The following CEP55 variants were observed in gnomAD, a reference collection of about 807,000 sequenced individuals.
CEP55 encodes centrosomal protein 55, also known as centrosomal protein of 55 kDa.
A neutral mutation model predicts 63.2 loss-of-function variants in CEP55; 57 were observed. That is an observed-to-expected ratio of 0.90 (90% CI 0.73 to 1.13). The LOEUF (loss-of-function observed/expected upper bound fraction) is 1.13, where lower values mean the gene tolerates loss of function less well. CEP55 is among the 50% of genes most tolerant of loss of function. CEP55 has a pLI of 0.00. For synonymous variants in CEP55, 178 were observed against 191.6 expected (o/e 0.93, Z 0.59); for missense variants, 456 against 518.9 (o/e 0.88, Z 1.18).
chr10:93,518,831 G>C (rs376038589), intron 6 of CEP55, 46 bp from the exon 7 acceptor site: 2 of 1,404,364 alleles, frequency 1.4e-6, no homozygotes, highest in Admixed American at 3.6e-5. Flanking sequence ...AGGTCAAGCC[G>C]GAAAAGGTTG....
chr10:93,512,449 G>A (rs1179721735), intron 4 of CEP55, among the ~76,000 whole-genome samples: 4 of 150,050 alleles, frequency 2.7e-5, no homozygotes, highest in Non-Finnish European at 4.4e-5. Context: ...GGGAGGTGGA[G>A]GTTGCAGTGA....
chr10:93,508,653 T>C (rs1424064451), intron 4 of CEP55, among the ~76,000 whole-genome samples: 2 of 152,204 alleles, frequency 1.3e-5, no homozygotes, highest in African/African-American at 4.8e-5. Context: ...CAGCTACTCC[T>C]TGAATAAACC....
At chr10:93,499,318 A>G (rs970771625) in intron 1 of CEP55, among the ~76,000 whole-genome samples, 15 of 152,096 alleles carry the variant, frequency 9.9e-5, no homozygotes, top group Admixed American at 6.6e-4. Context: ...TTTCGTGCCT[A>G]TATACTCAGA....
intron 8 of CEP55, among the ~76,000 whole-genome samples, chr10:93,524,767 A>C (rs1224115410): frequency 6.6e-6 from 1 of 152,254 alleles, no homozygotes; most frequent in East Asian, 1.9e-4. Flanking sequence ...CATCCCTGGG[A>C]TGCAAGGCTG....
rs1196829631 is a variant in CEP55 at position 93,528,710 on chromosome 10, C to T, written c.*557C>T. 1 of 153,370 alleles carries T rather than the reference C, an allele frequency of 6.5e-6. No individual in the cohort carries two copies. The highest frequency in any genetic ancestry group is 2.0e-4 in the South Asian group (1 of 4,896). 9.5% of individuals were successfully genotyped at this position (153,370 alleles called of 1,614,324 possible). On this transcript the variant is annotated 3_prime_UTR_variant, in exon 9 of 9. Transcript: ENST00000371485. The stretch of plus-strand genomic sequence containing the variant: ...TGCTGCTTACCATTGAAACTTAACC[C>T]AGCTGTGTTCCCCAACTCTGTTCTG...
At chr10:93,522,140 A>C (rs2057871183) in intron 8 of CEP55, among the ~76,000 whole-genome samples, 1 of 152,230 alleles carries the variant, frequency 6.6e-6, no homozygotes, top group Admixed American at 6.5e-5. Context: ...AACTTCTCTG[A>C]GCTAAAGGAG....
chr10:93,514,146 T>C (rs905018562), intron 4 of CEP55, among the ~76,000 whole-genome samples: 1 of 152,124 alleles, frequency 6.6e-6, no homozygotes, highest in African/African-American at 2.4e-5. Flanking sequence ...TTGGCCAGGC[T>C]GGTCTTGAAC....
chr10:93,506,998 CA>C lies in CEP55; in HGVS notation c.473del (p.Asn158ThrfsTer7). The C allele has an allele frequency of 6.3e-7, 1 of 1,585,506 alleles. No homozygotes were observed. Among genetic ancestry groups the C allele is most frequent in the Non-Finnish European group, 8.7e-7 (1 of 1,154,088 alleles). ...TTGGATTATTTACAGACTGTGGCTC[CA>C]AACTGCTTCAACTCATCAATAAATA... Reference protein sequence around the residue: ...NTLRLSQTVAPNCFNSSINNI... With the variant: ...NTLRLSQTVAXNCFNSSINNI... On this transcript the variant is annotated frameshift_variant, in exon 4 of 9. Coordinates refer to ENST00000371485, the MANE Select transcript of CEP55 (RefSeq NM_018131.5). LOFTEE classifies it high-confidence loss of function.
chr10:93,507,228 T>TC lies in CEP55; in HGVS notation c.528+172_528+173insC, dbSNP rs1167009813. Among the ~76,000 whole-genome samples, 15 of 150,896 alleles carry TC rather than the reference T, an allele frequency of 9.9e-5. No homozygotes were observed. In the South Asian group the frequency reaches 3.0e-3, roughly 30 times the overall value. ...TCATTTCTTCTAAGCATAGTCCCTT[T>TC]TTTTTTTTTTTTTCCTGAGGCAAAG... On this transcript the variant is annotated intron_variant, in intron 4 of 8. Transcript: ENST00000371485.
intron 8 of CEP55, 39 bp from the exon 9 acceptor site, chr10:93,527,911 C>T (rs2057940496): frequency 6.5e-7 from 1 of 1,542,466 alleles, no homozygotes; most frequent in South Asian, 1.2e-5. Context: ...GAACATTGGC[C>T]CTATTTACAA....
At position 93,528,132 on chromosome 10, in the gene CEP55, T is replaced by C; in HGVS notation, c.1374T>C (p.His458=). Residue 458 remains histidine, a synonymous_variant, in exon 9 of 9, where the codon CAT becomes CAC. Coordinates refer to ENST00000371485, the MANE Select transcript of CEP55 (RefSeq NM_018131.5). ...CTGAGCATCGCGATCTGCTTGTCCA[T>C]GTGGAATACTGTTCAAAGTAGCAAA... ...PATEHRDLLV[H]VEYCSK 2 of 1,613,902 alleles carry C rather than the reference T, an allele frequency of 1.2e-6. No homozygotes were observed. The highest frequency in any genetic ancestry group is 1.7e-6 in the Non-Finnish European group (2 of 1,179,832).
In CEP55 at chr10:93,518,868, G is replaced by C. The variant is rs1479124149; in HGVS notation, c.994-9G>C. On this transcript the variant is annotated splice_polypyrimidine_tract_variant and intron_variant, in intron 6 of 8. Coordinates refer to ENST00000371485, the MANE Select transcript of CEP55 (RefSeq NM_018131.5). Reference sequence around the variant, plus strand: ...ATGTGACAGCATTGGTTCTCTTTATGTCCTACAGGTCCAGTTTCTTTACAC... The same window carrying C: ...ATGTGACAGCATTGGTTCTCTTTATCTCCTACAGGTCCAGTTTCTTTACAC... 1 of 1,593,430 alleles carries C rather than the reference G, an allele frequency of 6.3e-7. No individual in the cohort carries two copies.
At chr10:93,525,118 G>A (rs1470278396) in intron 8 of CEP55, among the ~76,000 whole-genome samples, 2 of 151,704 alleles carry the variant, frequency 1.3e-5, no homozygotes, top group Non-Finnish European at 2.9e-5. Context: ...GGAAATAAAG[G>A]GTATTCAATT....
intron 5 of CEP55, among the ~76,000 whole-genome samples, chr10:93,516,522 A>T (rs1170873335): frequency 6.6e-6 from 1 of 152,124 alleles, no homozygotes; most frequent in Non-Finnish European, 1.5e-5. Context: ...CACTTGTTAG[A>T]ATAATGTAAT....
Position 93,519,828 on chromosome 10 carries a change from C to T in CEP55, c.1191+21C>T, listed in dbSNP as rs117507497. Reference sequence around the variant, plus strand: ...CCTTGGTGAGTCTGGAATGATTAAACTAAAATTTGTCTTCGTCTTCCATTT... The same window carrying T: ...CCTTGGTGAGTCTGGAATGATTAAATTAAAATTTGTCTTCGTCTTCCATTT... On this transcript the variant is annotated intron_variant, in intron 8 of 8. Transcript: ENST00000371485. The T allele has an allele frequency of 1.3e-3, 2,024 of 1,613,508 alleles. 3 individuals carry two copies. Among genetic ancestry groups the T allele is most frequent in the Non-Finnish European group, 1.6e-3 (1,900 of 1,179,878 alleles).
chr10:93,515,307 T>G (rs548108248), intron 4 of CEP55, 98 bp from the exon 5 acceptor site: 2 of 1,121,302 alleles, frequency 1.8e-6, no homozygotes, highest in East Asian at 2.4e-5. Context: ...AGCCATAGAG[T>G]TTTTGTTGGA....
rs1564768082 is a variant in CEP55 at position 93,519,696 on chromosome 10, T to C, written c.1080T>C (p.Thr360=). 4 of 1,614,168 alleles carry C rather than the reference T, an allele frequency of 2.5e-6. No homozygotes were observed. The Admixed American group carries it at 5.0e-5, about 20-fold the overall frequency. The change falls in exon 8 of 9, where the codon ACT becomes ACC. Residue 360 remains threonine (T), a synonymous_variant. Transcript: ENST00000371485. ...GCCTTTTCCAGATGCAGGCATGTAC[T>C]TTAGACTTTGAAAATGAAAAACTCG... is the stretch of plus-strand genomic sequence containing the variant. ...ALLEQQMQAC[T]LDFENEKLDR...
intron 8 of CEP55, among the ~76,000 whole-genome samples, chr10:93,521,383 C>T (rs957107492): frequency 2.0e-5 from 3 of 152,150 alleles, no homozygotes; most frequent in Non-Finnish European, 2.9e-5. Flanking sequence ...TGCAAGGTAG[C>T]AGTGAGGCTG....
At chr10:93,526,434 A>G (rs1046740295) in intron 8 of CEP55, among the ~76,000 whole-genome samples, 14 of 152,024 alleles carry the variant, frequency 9.2e-5, no homozygotes, top group African/African-American at 3.4e-4. Flanking sequence ...GTCAGGAAAC[A>G]ACAGGTGCTG....
Sources: allele counts gnomAD v4.1 joint callset (sites outside exome capture counted in the v4.1 genomes callset), GRCh38; gene constraint gnomAD v4.1.1; transcripts MANE v1.5; gene names NCBI Gene and HGNC (gene_info 2026-07-23, HGNC 2026-07-21).